Variants in ZNRF1 observed in about 807,000 individuals in gnomAD.
The protein encoded by ZNRF1 is zinc and ring finger 1, also known as E3 ubiquitin-protein ligase ZNRF1.
Under a neutral mutation model 18.4 loss-of-function variants are expected in ZNRF1, and 3 were observed. The observed-to-expected ratio is 0.16, with a 90% CI of 0.07 to 0.42. The LOEUF (loss-of-function observed/expected upper bound fraction) is 0.42, where lower values mean the gene tolerates loss of function less well. ZNRF1 is among the 10% of genes least tolerant of loss of function. ZNRF1 has a pLI of 0.99. For missense variants in ZNRF1, 310 were observed against 329.8 expected (o/e 0.94, Z 0.47); for synonymous variants, 157 against 144.2 (o/e 1.09, Z -0.64).
chr16:75,014,508 A>G (rs1382426375), intron 1 of ZNRF1, among the ~76,000 whole-genome samples: 1 of 152,102 alleles, frequency 6.6e-6, no homozygotes, highest in Non-Finnish European at 1.5e-5. Flanking sequence ...TCACAGCTAT[A>G]CTCTATTGAT....
At chr16:75,038,384 T>C (rs1333433122) in intron 1 of ZNRF1, among the ~76,000 whole-genome samples, 2 of 152,176 alleles carry the variant, frequency 1.3e-5, no homozygotes, top group East Asian at 1.9e-4. Context: ...GCTTGGCTTT[T>C]GTTATTTGGA....
chr16:75,088,202 C>A (rs1198566941), intron 1 of ZNRF1, among the ~76,000 whole-genome samples: 1 of 152,104 alleles, frequency 6.6e-6, no homozygotes, highest in Non-Finnish European at 1.5e-5. Flanking sequence ...GTAGTGGACG[C>A]TTATGGGAAA....
Position 75,064,287 on chromosome 16 carries a change from G to T in ZNRF1, c.425-29285G>T, listed in dbSNP as rs2035776704. ...ACTGCATTCCAACCTGGGTGACAGA[G>T]TGAGACCCCATCTCAAAATAATAAT... On this transcript the variant is annotated intron_variant, in intron 1 of 4. Coordinates refer to ENST00000335325, the MANE Select transcript of ZNRF1 (RefSeq NM_032268.5). Among the ~76,000 whole-genome samples the T allele has an allele frequency of 2.6e-5, 4 of 152,042 alleles. No homozygotes were observed. In the South Asian group the frequency reaches 8.3e-4, roughly 32 times the overall value.
intron 1 of ZNRF1, among the ~76,000 whole-genome samples, chr16:75,043,790 C>CTTTTTTTTTTTTTTTTTTTTT (rs59324869): frequency 2.7e-5 from 2 of 75,190 alleles, no homozygotes; most frequent in African/African-American, 9.1e-5. Context: ...TTGCTTTGTA[C>CTTTTTTTTTTTTTTTTTTTTT]TTTTTTTTTT....
intron 1 of ZNRF1, among the ~76,000 whole-genome samples, chr16:75,044,787 C>T (rs898782897): frequency 3.9e-5 from 6 of 152,104 alleles, no homozygotes; most frequent in African/African-American, 1.4e-4. Flanking sequence ...AAAGGGACTG[C>T]GTTTATAACA....
intron 1 of ZNRF1, among the ~76,000 whole-genome samples, chr16:75,086,026 G>A (rs1485400429): frequency 1.3e-5 from 2 of 152,058 alleles, no homozygotes; most frequent in Admixed American, 1.3e-4. Context: ...GAGAAGACCA[G>A]TGTCCCAGCT....
rs965474149 is a variant in ZNRF1 at position 75,079,520 on chromosome 16, G to A, written c.425-14052G>A. Among the ~76,000 whole-genome samples the A allele has an allele frequency of 6.6e-5, 10 of 152,136 alleles. No homozygotes were observed. In the East Asian group the frequency reaches 1.9e-3, roughly 29 times the overall value. On this transcript the variant is annotated intron_variant, in intron 1 of 4. Transcript: ENST00000335325. Reference sequence around the variant, plus strand: ...AACCTCCTTTTGACCCATCGGTCAGGCCCTCACAGCTGTCTAGAGTCTTTG... The same window carrying A: ...AACCTCCTTTTGACCCATCGGTCAGACCCTCACAGCTGTCTAGAGTCTTTG...
chr16:74,999,981 C>T lies in ZNRF1; in HGVS notation c.310C>T (p.Gln104Ter). 2 of 1,584,600 alleles carry T rather than the reference C, an allele frequency of 1.3e-6. No homozygotes were observed. The highest frequency in any genetic ancestry group is 1.7e-6 in the Non-Finnish European group (2 of 1,166,390). The part of the protein sequence containing the change: ...DSTYAHGNGY[Q>*]ETGGGHHRDG... ...CACCTATGCCCATGGCAATGGTTACCAGGAGACGGGCGGCGGTCACCATAG... is the reference window on the plus strand; with the variant it reads ...CACCTATGCCCATGGCAATGGTTACTAGGAGACGGGCGGCGGTCACCATAG... The change falls in exon 1 of 5, where the codon CAG becomes TAG. Residue 104 changes from glutamine to a stop codon, truncating the protein, a stop_gained. Transcript: ENST00000335325. LOFTEE classifies it high-confidence loss of function.
At chr16:75,072,635 A>G (rs1310098672) in intron 1 of ZNRF1, among the ~76,000 whole-genome samples, 1 of 152,240 alleles carries the variant, frequency 6.6e-6, no homozygotes, top group African/African-American at 2.4e-5. Flanking sequence ...GCATTAACAC[A>G]GTTTAGAACA....
At position 75,075,758 on chromosome 16, in the gene ZNRF1, C is replaced by T. The variant is rs1026702566; in HGVS notation, c.425-17814C>T. ...CAGCAAAGGTGGAGGAGGAGGGTCACCTTTCTCACATGGCTGCTGAGTGCT... is the reference window on the plus strand; with the variant it reads ...CAGCAAAGGTGGAGGAGGAGGGTCATCTTTCTCACATGGCTGCTGAGTGCT... On this transcript the variant is annotated intron_variant, in intron 1 of 4. Coordinates refer to ENST00000335325, the MANE Select transcript of ZNRF1 (RefSeq NM_032268.5). Among the ~76,000 whole-genome samples, 7 of 152,282 alleles carry T rather than the reference C, an allele frequency of 4.6e-5. No homozygotes were observed. The South Asian group carries it at 1.5e-3, about 32-fold the overall frequency.
intron 1 of ZNRF1, among the ~76,000 whole-genome samples, chr16:75,091,076 A>G (rs2036132398): frequency 6.6e-6 from 1 of 152,082 alleles, no homozygotes; most frequent in South Asian, 2.1e-4. Flanking sequence ...TCTGTTTCAT[A>G]AGAAATGTTG....
intron 1 of ZNRF1, chr16:75,046,858 G>A (rs2035522812): frequency 6.5e-6 from 1 of 154,208 alleles, no homozygotes; most frequent in African/African-American, 2.4e-5. Flanking sequence ...TTACAGGTGT[G>A]AGCCACCACG....
intron 1 of ZNRF1, among the ~76,000 whole-genome samples, chr16:75,056,435 TG>T (rs1157004154): frequency 6.6e-6 from 1 of 152,162 alleles, no homozygotes; most frequent in Non-Finnish European, 1.5e-5. Context: ...AGATTATGTA[TG>T]ATGTTGATGT....
chr16:75,071,058 T>TG (rs1875126165), intron 1 of ZNRF1, among the ~76,000 whole-genome samples: 1 of 151,578 alleles, frequency 6.6e-6, no homozygotes, highest in Non-Finnish European at 1.5e-5. Context: ...CTATGATGTC[T>TG]GGGACCTCAG....
At chr16:75,097,513 A>T (rs2036212912) in intron 2 of ZNRF1, among the ~76,000 whole-genome samples, 1 of 152,118 alleles carries the variant, frequency 6.6e-6, no homozygotes, top group South Asian at 2.1e-4. Flanking sequence ...GAGATGCTAA[A>T]TGTCACACAA....
At chr16:75,029,240 G>A (rs370701484) in intron 1 of ZNRF1, among the ~76,000 whole-genome samples, 5 of 152,012 alleles carry the variant, frequency 3.3e-5, no homozygotes, top group Non-Finnish European at 4.4e-5. Flanking sequence ...TCCACCTTCC[G>A]GGTTCACGCC....
chr16:75,063,308 C>A (rs1426719634), intron 1 of ZNRF1, among the ~76,000 whole-genome samples: 2 of 152,152 alleles, frequency 1.3e-5, no homozygotes, highest in African/African-American at 4.8e-5. Flanking sequence ...TCAGGGAGGC[C>A]CGAGCAGACC....
chr16:74,999,849 G>A lies in ZNRF1; in HGVS notation c.178G>A (p.Asp60Asn). The change falls in exon 1 of 5, where the codon GAC (aspartate) becomes AAC (asparagine). Residue 60 changes from aspartate to asparagine, a missense_variant. This residue lies in a region of ZNRF1 where 293 missense variants were observed against 291.2 expected (regional missense o/e 1.01). Transcript: ENST00000335325. Reference sequence around the variant, plus strand: ...CAGCTCGGTGGCAGGCATGGGCATGGACCCCAGCACGGCCGGGGGGGTGCC... The same window carrying A: ...CAGCTCGGTGGCAGGCATGGGCATGAACCCCAGCACGGCCGGGGGGGTGCC... ...SVSSVAGMGM[D>N]PSTAGGVPFG... 2 of 1,496,096 alleles carry A rather than the reference G, an allele frequency of 1.3e-6. No homozygotes were observed. The highest frequency in any genetic ancestry group is 1.8e-6 in the Non-Finnish European group (2 of 1,126,764). 92.7% of individuals were successfully genotyped at this position (1,496,096 alleles called of 1,614,324 possible). A position where few individuals can be genotyped will look rare whatever the true frequency, so the allele number is the denominator to read the frequency against.
intron 1 of ZNRF1, among the ~76,000 whole-genome samples, chr16:75,037,205 C>T (rs922488302): frequency 2.0e-5 from 3 of 152,188 alleles, no homozygotes; most frequent in Non-Finnish European, 4.4e-5. Flanking sequence ...TTTTGTTCCT[C>T]CTGTTTCAGC....
Sources: gnomAD v4.1 joint callset for allele counts (sites outside exome capture counted in the v4.1 genomes callset) on GRCh38, gnomAD v4.1.1 for gene constraint, gnomAD v4.1.1 regional missense constraint, MANE v1.5 for transcripts, NCBI Gene and HGNC (gene_info 2026-07-23, HGNC 2026-07-21) for gene names.